Variants in DLG2 observed in about 807,000 individuals in gnomAD.
The protein encoded by DLG2 is disks large homolog 2.
A neutral mutation model predicts 132.5 loss-of-function variants in DLG2; 45 were observed. The ratio of observed to expected loss-of-function variants is 0.34; its 90% CI spans 0.27 to 0.44. The LOEUF is 0.44. DLG2 is among the 20% of genes least tolerant of loss of function. DLG2 has a pLI of 1.00. For missense variants in DLG2, 1,045 were observed against 1,196.9 expected (o/e 0.87, Z 1.87); for synonymous variants, 424 against 419.6 (o/e 1.01, Z -0.13).
intron 10 of DLG2, among the ~76,000 whole-genome samples, chr11:84,082,652 G>A (rs556292496): frequency 1.3e-5 from 2 of 152,252 alleles, no homozygotes; most frequent in Admixed American, 1.3e-4. Context: ...TATATGTTCA[G>A]TTATTTATCT....
rs553313563 is a variant in DLG2 at position 85,515,964 on chromosome 11, C to T, written c.40+82693G>A. Among the ~76,000 whole-genome samples, 6 of 152,084 alleles carry T rather than the reference C, an allele frequency of 3.9e-5. 1 individual carries two copies. Among genetic ancestry groups the T allele is most frequent in the African/African-American group, 1.4e-4 (6 of 41,558 alleles). On this transcript the variant is annotated intron_variant, in intron 3 of 27. Coordinates refer to ENST00000376104, the MANE Select transcript of DLG2 (RefSeq NM_001142699.3). ...AAAGTAAGGTTATGTAATTTGTCTC[C>T]AAATAGCACTAAAAAATTCTGTAAT...
intron 5 of DLG2, among the ~76,000 whole-genome samples, chr11:85,141,384 C>A (rs2076463773): frequency 6.6e-6 from 1 of 151,790 alleles, no homozygotes; most frequent in Non-Finnish European, 1.5e-5. Flanking sequence ...AATCTCTGTT[C>A]AGATCTTTTG....
intron 9 of DLG2, among the ~76,000 whole-genome samples, chr11:84,149,300 T>A (rs569179467): frequency 6.6e-6 from 1 of 152,320 alleles, no homozygotes; most frequent in South Asian, 2.1e-4. Context: ...CCAATGCCAA[T>A]GTTGAGAAGG....
chr11:85,181,036 T>C (rs2079655575), intron 4 of DLG2, among the ~76,000 whole-genome samples: 1 of 151,514 alleles, frequency 6.6e-6, no homozygotes, highest in African/African-American at 2.4e-5. Context: ...AATTTATCAA[T>C]TGTTTATTAT....
At chr11:84,209,636 G>A (rs1462494807) in intron 8 of DLG2, among the ~76,000 whole-genome samples, 1 of 151,232 alleles carries the variant, frequency 6.6e-6, no homozygotes, top group African/African-American at 2.4e-5. Flanking sequence ...AAATTTGTTC[G>A]TGAAGAAATG....
intron 3 of DLG2, among the ~76,000 whole-genome samples, chr11:85,469,074 T>C (rs1332507923): frequency 2.0e-5 from 3 of 152,210 alleles, no homozygotes; most frequent in Admixed American, 2.0e-4. Flanking sequence ...GAACCTAGAT[T>C]CTTCCAATCG....
intron 7 of DLG2, among the ~76,000 whole-genome samples, chr11:84,407,720 ACT>A (rs910312164): frequency 6.6e-6 from 1 of 152,172 alleles, no homozygotes; most frequent in Non-Finnish European, 1.5e-5. Flanking sequence ...CTAGTGTAAC[ACT>A]CTGATTTCAC....
chr11:83,550,603 G>T (rs2096367354), intron 19 of DLG2, among the ~76,000 whole-genome samples: 1 of 152,236 alleles, frequency 6.6e-6, no homozygotes. Flanking sequence ...AGGTTTCAGG[G>T]CTGGGTGAAG....
intron 6 of DLG2, among the ~76,000 whole-genome samples, chr11:85,059,905 A>G (rs981510772): frequency 4.0e-5 from 6 of 151,520 alleles, no homozygotes; most frequent in African/African-American, 1.5e-4. Flanking sequence ...ACACTTGTAT[A>G]AATACGTAAA....
At chr11:84,136,492 T>C (rs891302878) in intron 9 of DLG2, among the ~76,000 whole-genome samples, 10 of 152,180 alleles carry the variant, frequency 6.6e-5, no homozygotes, top group African/African-American at 2.2e-4. Context: ...ATCTGTGCTA[T>C]AAGAAAATGA....
At chr11:84,771,851 T>C (rs1382907979) in intron 6 of DLG2, among the ~76,000 whole-genome samples, 1 of 151,846 alleles carries the variant, frequency 6.6e-6, no homozygotes, top group African/African-American at 2.4e-5. Flanking sequence ...GAATTCCAAG[T>C]TGGGTTAAAA....
rs374755838 is a variant in DLG2 at position 84,106,030 on chromosome 11, A to G, written c.625-6983T>C. On this transcript the variant is annotated intron_variant, in intron 9 of 27. Coordinates refer to ENST00000376104, the MANE Select transcript of DLG2 (RefSeq NM_001142699.3). ...CACCCTGATCGAAAATTACTAGGCTACCACTTGAACATTGGCCATGAAGAT... is the reference window on the plus strand; with the variant it reads ...CACCCTGATCGAAAATTACTAGGCTGCCACTTGAACATTGGCCATGAAGAT... 2.9e-4 allele frequency among the ~76,000 whole-genome samples: 44 copies of G among 152,252 alleles called. 1 individual carries two copies. The highest frequency in any genetic ancestry group is 1.0e-3 in the African/African-American group (43 of 41,574).
chr11:83,772,164 T>A (rs749818564), intron 18 of DLG2, among the ~76,000 whole-genome samples: 5 of 151,998 alleles, frequency 3.3e-5, no homozygotes, highest in Admixed American at 6.5e-5. Flanking sequence ...TCCTAGCACT[T>A]TGGGAGGCTG....
chr11:84,841,207 A>G (rs17147626), intron 6 of DLG2, among the ~76,000 whole-genome samples: 6,248 of 152,034 alleles, frequency 0.041, 194 homozygotes, highest in African/African-American at 0.079. Context: ...CTGGATGAGT[A>G]TGATACATAG....
At chr11:84,845,606 T>C (rs761566262) in intron 6 of DLG2, among the ~76,000 whole-genome samples, 20 of 152,028 alleles carry the variant, frequency 1.3e-4, no homozygotes, top group Non-Finnish European at 1.9e-4. Flanking sequence ...TATAGATCTA[T>C]TGGCAGAATT....
intron 4 of DLG2, among the ~76,000 whole-genome samples, chr11:85,284,185 G>A (rs1162884178): frequency 9.2e-5 from 14 of 151,622 alleles, no homozygotes; most frequent in Non-Finnish European, 2.1e-4. Context: ...TTACTTCTAG[G>A]TGCTAAAATT....
In DLG2 at chr11:83,553,483, C is replaced by CGTGTGTGTGTGTGTGT. The variant is rs71959561; in HGVS notation, c.1941-11641_1941-11626dup. 1.9e-3 allele frequency among the ~76,000 whole-genome samples: 276 copies of CGTGTGTGTGTGTGTGT among 143,858 alleles called. 3 individuals are homozygous for CGTGTGTGTGTGTGTGT. The highest frequency in any genetic ancestry group is 5.8e-3 in the African/African-American group (218 of 37,812). 94.4% of individuals were successfully genotyped at this position (143,858 alleles called of 152,430 possible). A position where few individuals can be genotyped will look rare whatever the true frequency, so the allele number is the denominator to read the frequency against. ...CTGGCACAAAGTAAGAAGTAAGCAC[C>CGTGTGTGTGTGTGTGT]GTGTGTGTGTGTGTGTGTGTGTGTG... is the stretch of plus-strand genomic sequence containing the variant. On this transcript the variant is annotated intron_variant, in intron 19 of 27. Coordinates refer to ENST00000376104, the MANE Select transcript of DLG2 (RefSeq NM_001142699.3).
At chr11:83,947,664 T>C (rs1187958061) in intron 14 of DLG2, among the ~76,000 whole-genome samples, 2 of 152,240 alleles carry the variant, frequency 1.3e-5, no homozygotes, top group African/African-American at 4.8e-5. Context: ...GTGTTTTACA[T>C]GGATTAATTT....
At chr11:84,972,886 T>C (rs1220051227) in intron 6 of DLG2, among the ~76,000 whole-genome samples, 4 of 152,120 alleles carry the variant, frequency 2.6e-5, no homozygotes, top group Non-Finnish European at 5.9e-5. Flanking sequence ...GGTTCAATTT[T>C]TAGTCCCACT....
Sources: allele counts gnomAD v4.1 joint callset (sites outside exome capture counted in the v4.1 genomes callset), GRCh38; gene constraint gnomAD v4.1.1; transcripts MANE v1.5; gene names NCBI Gene and HGNC (gene_info 2026-07-23, HGNC 2026-07-21).